Variants in PIK3IP1 observed in about 807,000 individuals in gnomAD.
PIK3IP1 encodes the protein phosphoinositide-3-kinase-interacting protein 1.
A neutral mutation model predicts 30.7 loss-of-function variants in PIK3IP1; 28 were observed. The observed-to-expected ratio is 0.91, with a 90% confidence interval of 0.68 to 1.25. The LOEUF (loss-of-function observed/expected upper bound fraction) is 1.25. Ranked by LOEUF, PIK3IP1 falls within the 50% of genes most tolerant of loss-of-function variation. PIK3IP1 has a pLI of 0.00. For missense variants in PIK3IP1, 333 were observed against 346.2 expected (o/e 0.96, Z 0.30); for synonymous variants, 159 against 140.8 (o/e 1.13, Z -0.91).
rs144075587 is a variant in PIK3IP1 at position 31,292,256 on chromosome 22, G to A, written c.70+19C>T. ...CTGTTTCATGAAGTTGCTGCGGAAA[G>A]GAAAGATTGTAATCTCACCTCCAGA... On this transcript the variant is annotated intron_variant, in intron 1 of 5. Transcript: ENST00000215912. 3.1e-6 allele frequency: 5 copies of A among 1,612,630 alleles called. No homozygotes were observed. Among genetic ancestry groups the A allele is most frequent in the Non-Finnish European group, 4.2e-6 (5 of 1,178,742 alleles).
rs147543996 is a variant in PIK3IP1 at position 31,282,893 on chromosome 22, G to A, written c.*191C>T. The stretch of plus-strand genomic sequence containing the variant: ...CTCCAAGGGATGGACAAGGAGCACT[G>A]TTAGGACCCTACCCAGCCTTACCCT... On this transcript the variant is annotated 3_prime_UTR_variant, in exon 6 of 6. Coordinates refer to ENST00000215912, the MANE Select transcript of PIK3IP1 (RefSeq NM_052880.5). 2.0e-4 allele frequency: 120 copies of A among 589,394 alleles called. 1 individual carries two copies. The East Asian group carries it at 2.7e-3, about 13-fold the overall frequency. 36.5% of individuals were successfully genotyped at this position (589,394 alleles called of 1,614,324 possible).
Position 31,290,947 on chromosome 22 carries a change from G to A in PIK3IP1, c.307+18C>T, listed in dbSNP as rs563707948. 1 of 1,549,132 alleles carries A rather than the reference G, an allele frequency of 6.5e-7. No individual in the cohort carries two copies. Among genetic ancestry groups the A allele is most frequent in the Admixed American group, 2.1e-5 (1 of 47,724 alleles). On this transcript the variant is annotated intron_variant, in intron 3 of 5. Transcript: ENST00000215912. Reference sequence around the variant, plus strand: ...GTCAGCGCCAGGAGCGGGGATTCCCGGGGTCCCGGGCAGGTACCTGGACAG... The same window carrying A: ...GTCAGCGCCAGGAGCGGGGATTCCCAGGGTCCCGGGCAGGTACCTGGACAG...
chr22:31,284,372 G>C (rs2049115933), intron 5 of PIK3IP1, among the ~76,000 whole-genome samples: 1 of 152,254 alleles, frequency 6.6e-6, no homozygotes, highest in Non-Finnish European at 1.5e-5. Flanking sequence ...TAATGAGGCA[G>C]AGCAGGGCTG....
chr22:31,283,077 G>A lies in PIK3IP1; in HGVS notation c.*7C>T, dbSNP rs745313722. The A allele has an allele frequency of 1.9e-6, 3 of 1,581,818 alleles. No homozygotes were observed. Among genetic ancestry groups the A allele is most frequent in the South Asian group, 2.3e-5 (2 of 87,976 alleles). On this transcript the variant is annotated 3_prime_UTR_variant, in exon 6 of 6. Coordinates refer to ENST00000215912, the MANE Select transcript of PIK3IP1 (RefSeq NM_052880.5). Reference sequence around the variant, plus strand: ...TGTCTGCATGGGCTCCTGCCCACTGGGGGGGCTCAGGCCCCAGGAGTCCCG... The same window carrying A: ...TGTCTGCATGGGCTCCTGCCCACTGAGGGGGCTCAGGCCCCAGGAGTCCCG...
chr22:31,289,196 T>C, intron 5 of PIK3IP1, 119 bp downstream of exon 5: 1 of 985,926 alleles, frequency 1.0e-6, no homozygotes, highest in Non-Finnish European at 1.6e-6. Context: ...GGACCAAGTC[T>C]CTACATCTTG....
At chr22:31,290,920 C>A in intron 3 of PIK3IP1, 45 bp downstream of exon 3, 2 of 1,531,454 alleles carry the variant, frequency 1.3e-6, no homozygotes, top group Non-Finnish European at 8.7e-7. Context: ...CAGCCGCTTC[C>A]TGTCAGCGCC....
chr22:31,289,361 T>G lies in PIK3IP1; in HGVS notation c.541A>C (p.Ile181Leu). 1 of 1,613,244 alleles carries G rather than the reference T, an allele frequency of 6.2e-7. No individual in the cohort carries two copies. The highest frequency in any genetic ancestry group is 1.1e-5 in the South Asian group (1 of 90,952). ...ATGATGCCAGCTCCGATGGCAATGA[T>G]GATCACCATCATGGTAATGCCCAGC... ...YVLGITMMVI[I>L]IAIGAGIILG... is the part of the protein sequence containing the mutation. The change falls in exon 5 of 6, where the codon ATC (isoleucine) becomes CTC (leucine). Residue 181 changes from isoleucine (I) to leucine (L), a missense_variant. Ile to Leu is a conservative substitution (Grantham distance 5). Around this residue, in one of 3 missense-constraint regions of PIK3IP1, gnomAD observed 217 missense variants for 227.7 expected, o/e 0.95. Coordinates refer to ENST00000215912, the MANE Select transcript of PIK3IP1 (RefSeq NM_052880.5).
chr22:31,286,130 G>A (rs975356643), intron 5 of PIK3IP1, among the ~76,000 whole-genome samples: 3 of 151,308 alleles, frequency 2.0e-5, no homozygotes, highest in East Asian at 1.9e-4. Context: ...CCGACACAGC[G>A]AGACTCTGTC....
chr22:31,286,138 G>A (rs1435414970), intron 5 of PIK3IP1, among the ~76,000 whole-genome samples: 1 of 150,448 alleles, frequency 6.6e-6, no homozygotes, highest in African/African-American at 2.5e-5. Context: ...GCGAGACTCT[G>A]TCTCAAAAAA....
At chr22:31,288,366 G>A (rs979709878) in intron 5 of PIK3IP1, among the ~76,000 whole-genome samples, 1 of 85,310 alleles carries the variant, frequency 1.2e-5, no homozygotes, top group African/African-American at 5.9e-5. Flanking sequence ...GCAATAGAGC[G>A]AGACCCTGAA....
intron 5 of PIK3IP1, among the ~76,000 whole-genome samples, chr22:31,288,240 G>A (rs1218838720): frequency 1.3e-5 from 2 of 152,100 alleles, no homozygotes; most frequent in Non-Finnish European, 2.9e-5. Flanking sequence ...AGCCAGGCAT[G>A]GTGGGACATG....
chr22:31,291,768 CCTT>C (rs1207242449), intron 1 of PIK3IP1, among the ~76,000 whole-genome samples: 3 of 147,790 alleles, frequency 2.0e-5, no homozygotes, highest in Non-Finnish European at 4.5e-5. Flanking sequence ...GGTGTTTCCT[CCTT>C]CACGGATACG....
Position 31,283,040 on chromosome 22 carries a change from G to A in PIK3IP1, c.*44C>T. Reference sequence around the variant, plus strand: ...CCTCCTAGCTGTAGGAGGGTGGGCTGTCCTGCACCAGTGTCTGCATGGGCT... The same window carrying A: ...CCTCCTAGCTGTAGGAGGGTGGGCTATCCTGCACCAGTGTCTGCATGGGCT... On this transcript the variant is annotated 3_prime_UTR_variant, in exon 6 of 6. Transcript: ENST00000215912. 1.3e-6 allele frequency: 2 copies of A among 1,490,974 alleles called. No homozygotes were observed. Among genetic ancestry groups the A allele is most frequent in the Admixed American group, 2.0e-5 (1 of 50,928 alleles). 92.4% of individuals were successfully genotyped at this position (1,490,974 alleles called of 1,614,324 possible).
Position 31,283,118 on chromosome 22 carries a change from G to C in PIK3IP1, c.758C>G (p.Pro253Arg), listed in dbSNP as rs1196881514. Reference protein sequence around the residue: ...TPVDPQEGTTPLMGQAGTPGA With the variant: ...TPVDPQEGTTRLMGQAGTPGA ...AGGAGTCCCGGCCTGGCCCATAAGG[G>C]GGGTGGTGCCCTCCTGAGGGTCAAC... Residue 253 changes from proline (P) to arginine (R), a missense_variant, in exon 6 of 6, where the codon CCC becomes CGC. By Grantham distance (103) the Pro-to-Arg change is moderately radical (BLOSUM62 -2). Coordinates refer to ENST00000215912, the MANE Select transcript of PIK3IP1 (RefSeq NM_052880.5). 1.2e-6 allele frequency: 2 copies of C among 1,611,578 alleles called. No individual in the cohort carries two copies. The highest frequency in any genetic ancestry group is 1.3e-5 in the African/African-American group (1 of 74,934).
chr22:31,283,445 G>A (rs1265865661), intron 5 of PIK3IP1, among the ~76,000 whole-genome samples, 157 bp from the exon 6 acceptor site: 4 of 152,222 alleles, frequency 2.6e-5, no homozygotes, highest in Admixed American at 2.0e-4. Context: ...AGGATTCTAG[G>A]ATATCCATTC....
intron 3 of PIK3IP1, 35 bp from the exon 4 acceptor site, chr22:31,289,734 A>G (rs1311806023): frequency 6.5e-7 from 1 of 1,545,774 alleles, no homozygotes; most frequent in Admixed American, 2.0e-5. Flanking sequence ...CTCATCAGGG[A>G]CTGCCCTGAG....
intron 1 of PIK3IP1, among the ~76,000 whole-genome samples, 178 bp from the exon 2 acceptor site, chr22:31,291,474 C>T (rs902984038): frequency 6.7e-6 from 1 of 149,970 alleles, no homozygotes; most frequent in Non-Finnish European, 1.5e-5. Context: ...CACGCACCCC[C>T]CCCCCCCAAC....
chr22:31,290,973 C>T lies in PIK3IP1; in HGVS notation c.299G>A (p.Arg100His), dbSNP rs2049172420. 1 of 1,604,418 alleles carries T rather than the reference C, an allele frequency of 6.2e-7. No homozygotes were observed. Among genetic ancestry groups the T allele is most frequent in the South Asian group, 1.1e-5 (1 of 90,082 alleles). ...VPEKRPCEDL[R>H]CPETTSQALP... is the part of the protein sequence containing the mutation. ...GGGTCCCGGGCAGGTACCTGGACAGCGCAGGTCCTCGCAAGGCCGTTTCTC... is the reference window on the plus strand; with the variant it reads ...GGGTCCCGGGCAGGTACCTGGACAGTGCAGGTCCTCGCAAGGCCGTTTCTC... The change falls in exon 3 of 6, where the codon CGC (arginine) becomes CAC (histidine). Residue 100 changes from arginine to histidine, a missense_variant. Around this residue, in one of 3 missense-constraint regions of PIK3IP1, gnomAD observed 217 missense variants for 227.7 expected, o/e 0.95. Transcript: ENST00000215912.
intron 5 of PIK3IP1, among the ~76,000 whole-genome samples, chr22:31,287,288 G>A (rs1469634225): frequency 6.7e-6 from 1 of 149,620 alleles, no homozygotes; most frequent in Admixed American, 6.7e-5. Flanking sequence ...CAAAGTGCTA[G>A]GATTACAGGT....
Sources: allele counts gnomAD v4.1 joint callset (sites outside exome capture counted in the v4.1 genomes callset), GRCh38; gene constraint gnomAD v4.1.1; regional missense constraint gnomAD v4.1.1; transcripts MANE v1.5; gene names NCBI Gene and HGNC (gene_info 2026-07-23, HGNC 2026-07-21).